PLD1: variants seen among roughly 807,000 people sequenced by gnomAD.
PLD1 encodes the protein choline phosphatase 1.
In PLD1, 112 loss-of-function variants were observed where a neutral mutation model predicts 137.1. The ratio of observed to expected loss-of-function variants is 0.82; its 90% CI spans 0.70 to 0.96. The LOEUF (loss-of-function observed/expected upper bound fraction) is 0.96, where lower values mean the gene tolerates loss of function less well. Among genes scored for constraint, PLD1 ranks in the 40% least tolerant of loss-of-function variants. The probability of loss-of-function intolerance (pLI) is 0.00; values close to 1 mark genes in which losing one functional copy is unlikely to be tolerated. For missense variants in PLD1, 1,321 were observed against 1,342.0 expected, an observed-to-expected ratio of 0.98 and a Z score of 0.24; for synonymous variants, 431 against 454.7, an observed-to-expected ratio of 0.95 and a Z score of 0.66.
At chr3:171,801,771 C>T (rs886367459) in intron 1 of PLD1, among the ~76,000 whole-genome samples, 1 of 152,304 alleles carries the variant, frequency 6.6e-6, no homozygotes, top group South Asian at 2.1e-4. Flanking sequence ...TTTCCCTAGT[C>T]CCCATGACAC....
At chr3:171,766,596 T>G (rs1721990860) in intron 1 of PLD1, among the ~76,000 whole-genome samples, 1 of 152,182 alleles carries the variant, frequency 6.6e-6, no homozygotes, top group Non-Finnish European at 1.5e-5. Flanking sequence ...ATTGTGATGG[T>G]CCGTCATGCA....
chr3:171,675,324 A>G (rs1713240646), intron 18 of PLD1, among the ~76,000 whole-genome samples: 1 of 152,248 alleles, frequency 6.6e-6, no homozygotes, highest in Non-Finnish European at 1.5e-5. Context: ...AAATGGTATA[A>G]AAGAATCATT....
chr3:171,728,258 G>A (rs961960845), intron 6 of PLD1, among the ~76,000 whole-genome samples: 3 of 152,230 alleles, frequency 2.0e-5, no homozygotes, highest in Admixed American at 6.5e-5. Flanking sequence ...AGAGGTTGCA[G>A]TGAGCGGAGA....
rs536998340 is a variant in PLD1, at chr3:171,612,842, A to G, written c.2729-410T>C. On this transcript the variant is annotated intron_variant, in intron 24 of 26. Transcript: ENST00000351298. The surrounding 1 kb of genome is among the most constrained non-coding windows in gnomAD (Gnocchi z 4.1). ...GCTGCAGCCATTTCACAACCACTAG[A>G]GAACAAACAAAAAAGCTTAAAGAAA... Among the ~76,000 whole-genome samples the G allele has an allele frequency of 1.8e-4, 28 of 152,174 alleles. No individual in the cohort carries two copies. Among genetic ancestry groups the G allele is most frequent in the Non-Finnish European group, 3.4e-4 (23 of 68,024 alleles).
At chr3:171,629,545 G>A (rs1338607730) in intron 23 of PLD1, among the ~76,000 whole-genome samples, 20 of 152,146 alleles carry the variant, frequency 1.3e-4, no homozygotes, top group South Asian at 4.1e-4. Flanking sequence ...AAAAGAGCCC[G>A]CATTGCCAAG....
intron 22 of PLD1, chr3:171,643,242 T>TA (rs1735919425): frequency 5.2e-6 from 1 of 191,180 alleles, no homozygotes; most frequent in South Asian, 1.1e-4. Context: ...TAAGAATACT[T>TA]AGAGAATCAC....
chr3:171,696,962 G>A lies in PLD1; in HGVS notation c.1227+2783C>T, dbSNP rs1380696786. 2.6e-5 allele frequency among the ~76,000 whole-genome samples: 4 copies of A among 152,282 alleles called. No homozygotes were observed. The East Asian group carries it at 5.8e-4, about 22-fold the overall frequency. On this transcript the variant is annotated intron_variant, in intron 12 of 26. Transcript: ENST00000351298. ...GGTGTTCACGAGGGACCTCGCCAGG[G>A]TTCAAGGGCCAAAAAAGTAAAGAGA...
At chr3:171,604,141 C>A (rs1262427470) in intron 26 of PLD1, among the ~76,000 whole-genome samples, 1 of 151,852 alleles carries the variant, frequency 6.6e-6, no homozygotes, top group Non-Finnish European at 1.5e-5. Context: ...GAGTTCAAGA[C>A]CAGCCTGTAT....
rs546405416 is a variant in PLD1, at chr3:171,710,564, A to G, written c.912-855T>C. 7.2e-5 allele frequency among the ~76,000 whole-genome samples: 11 copies of G among 152,262 alleles called. No homozygotes were observed. The South Asian group carries it at 1.7e-3, about 23-fold the overall frequency. ...CTGTGGCTGATCTGACAGAAGGCGG[A>G]ACTCAGGTGGTAATGCTCCCTCGCC... On this transcript the variant is annotated intron_variant, in intron 9 of 26. Coordinates refer to ENST00000351298, the MANE Select transcript of PLD1 (RefSeq NM_002662.5).
In PLD1 at chr3:171,626,293, G is replaced by A. The variant is rs979896705; in HGVS notation, c.2594-5773C>T. ...TGAATGAAATGAAGCGAGAAGGGAA[G>A]TTTAGAGAAAAAAGAATAAAAAGAA... On this transcript the variant is annotated intron_variant, in intron 23 of 26. Transcript: ENST00000351298. 3.9e-5 allele frequency among the ~76,000 whole-genome samples: 6 copies of A among 152,116 alleles called. No individual in the cohort carries two copies. The East Asian group carries it at 1.2e-3, about 29-fold the overall frequency.
At chr3:171,750,691 G>A (rs1272125772) in intron 1 of PLD1, among the ~76,000 whole-genome samples, 2 of 152,130 alleles carry the variant, frequency 1.3e-5, no homozygotes, top group Admixed American at 6.5e-5. Flanking sequence ...CACTAATGAC[G>A]ATAAACTTCT....
intron 1 of PLD1, among the ~76,000 whole-genome samples, chr3:171,750,757 T>A (rs1720596061): frequency 6.6e-6 from 1 of 152,186 alleles, no homozygotes; most frequent in African/African-American, 2.4e-5. Flanking sequence ...GCTTAATTAA[T>A]GTGGTTGAAT....
At chr3:171,639,315 C>A (rs1735438277) in intron 23 of PLD1, among the ~76,000 whole-genome samples, 5 of 128,704 alleles carry the variant, frequency 3.9e-5, no homozygotes, top group Admixed American at 8.5e-5. Context: ...CATATATTAT[C>A]TATATATAAA....
At chr3:171,774,186 T>C (rs1397419039) in intron 1 of PLD1, among the ~76,000 whole-genome samples, 1 of 152,224 alleles carries the variant, frequency 6.6e-6, no homozygotes, top group Non-Finnish European at 1.5e-5. Context: ...AAACTCTTTC[T>C]TCCTGAGTGC....
At chr3:171,758,020 T>C (rs560807851) in intron 1 of PLD1, among the ~76,000 whole-genome samples, 4 of 152,326 alleles carry the variant, frequency 2.6e-5, no homozygotes, top group African/African-American at 9.6e-5. Flanking sequence ...AATAAACCAA[T>C]TAAATCTCCT....
intron 23 of PLD1, among the ~76,000 whole-genome samples, chr3:171,627,901 G>A (rs1313200282): frequency 6.6e-6 from 1 of 151,948 alleles, no homozygotes; most frequent in African/African-American, 2.4e-5. Context: ...GCCCACAAGA[G>A]AAAGCAGGAA....
At chr3:171,757,053 A>C (rs1721076445) in intron 1 of PLD1, among the ~76,000 whole-genome samples, 1 of 152,172 alleles carries the variant, frequency 6.6e-6, no homozygotes, top group Non-Finnish European at 1.5e-5. Context: ...AGAGGCAAAA[A>C]CCATTTTTAC....
In PLD1 at chr3:171,677,690, G is replaced by C. The variant is rs755684714; in HGVS notation, c.1872C>G (p.Thr624=). Reference sequence around the variant, plus strand: ...CTGTCTGTAAACTACGGATGGACCCGGTATCTGTGAATGCAGCAAGACCCC... The same window carrying C: ...CTGTCTGTAAACTACGGATGGACCCCGTATCTGTGAATGCAGCAAGACCCC... ...EQGLTRPHAD[T]GSIRSLQTGV... Residue 624 remains threonine, a synonymous_variant, in exon 17 of 27, where the codon ACC becomes ACG. Coordinates refer to ENST00000351298, the MANE Select transcript of PLD1 (RefSeq NM_002662.5). The C allele has an allele frequency of 1.2e-6, 2 of 1,613,610 alleles. No homozygotes were observed. The highest frequency in any genetic ancestry group is 2.2e-5 in the East Asian group (1 of 44,858).
chr3:171,708,761 T>A lies in PLD1; in HGVS notation c.1139A>T (p.Asp380Val). The A allele has an allele frequency of 6.3e-7, 1 of 1,575,036 alleles. No individual in the cohort carries two copies. Among genetic ancestry groups the A allele is most frequent in the South Asian group, 1.1e-5 (1 of 90,316 alleles). ...EEANEEIFIT[D>V]WWLSPEIFLK... ...CCCAGGGACAAATACTAACCACCAG[T>A]CTGTGATAAAAATCTCTTCATTTGC... The change falls in exon 11 of 27, where the codon GAC (aspartate) becomes GTC (valine). Residue 380 changes from aspartate (D) to valine (V), a missense_variant. By Grantham distance (152) the Asp-to-Val change is radical. Transcript: ENST00000351298.
Sources: gnomAD v4.1 joint callset for allele counts (sites outside exome capture counted in the v4.1 genomes callset) on GRCh38, gnomAD v4.1.1 for gene constraint, Gnocchi (gnomAD v3.1) non-coding constraint, MANE v1.5 for transcripts, NCBI Gene and HGNC (gene_info 2026-07-23, HGNC 2026-07-21) for gene names.